Variants in LRRFIP1 observed in about 807,000 individuals in gnomAD.
LRRFIP1 encodes the protein leucine-rich repeat flightless-interacting protein 1.
Under a neutral mutation model 104.4 loss-of-function variants are expected in LRRFIP1, and 62 were observed. The ratio of observed to expected loss-of-function variants is 0.59; its 90% CI spans 0.48 to 0.73. LRRFIP1 has a LOEUF of 0.73. Among genes scored for constraint, LRRFIP1 ranks in the 30% least tolerant of loss-of-function variants. The pLI is 0.00. For missense variants in LRRFIP1, 796 were observed against 824.5 expected (o/e 0.97, Z 0.42); for synonymous variants, 300 against 299.0 (o/e 1.00, Z -0.03).
chr2:237,678,758 G>A lies in LRRFIP1; in HGVS notation c.97-29786G>A, dbSNP rs894011713. Among the ~76,000 whole-genome samples the A allele has an allele frequency of 4.6e-5, 7 of 152,022 alleles. No homozygotes were observed. In the East Asian group the frequency reaches 5.8e-4, roughly 13 times the overall value. On this transcript the variant is annotated intron_variant, in intron 1 of 23. Transcript: ENST00000308482. ...CCTGACCTCAAGTGATCTGCCTGCC[G>A]TAGCCTCCAAAAGTGCTGGGATTAC...
chr2:237,779,627 C>A lies in LRRFIP1; in HGVS notation c.*95C>A. 1 of 1,131,740 alleles carries A rather than the reference C, an allele frequency of 8.8e-7. No individual in the cohort carries two copies. The highest frequency in any genetic ancestry group is 1.3e-6 in the Non-Finnish European group (1 of 774,488). 70.1% of individuals were successfully genotyped at this position (1,131,740 alleles called of 1,614,324 possible). On this transcript the variant is annotated 3_prime_UTR_variant, in exon 24 of 24. Transcript: ENST00000308482. The stretch of plus-strand genomic sequence containing the variant: ...TCTGGGAGCGCTGCTTCTTCCCCTG[C>A]CTTCCGAGAGACGAAGACCGTGGCG...
intron 1 of LRRFIP1, among the ~76,000 whole-genome samples, chr2:237,666,915 GCTTTCTTTCTTT>G (rs144037636): frequency 0.58 from 83,745 of 144,710 alleles, 26,465 homozygotes; most frequent in Middle Eastern, 0.74. Flanking sequence ...CTGCCTTCCT[GCTTTCTTTCTTT>G]CTTTCTTTCT....
rs2087858146 is a variant in LRRFIP1, at chr2:237,661,145, A to C, written c.96+33405A>C. On this transcript the variant is annotated intron_variant, in intron 1 of 23. Coordinates refer to ENST00000308482, the MANE Select transcript of LRRFIP1 (RefSeq NM_001137550.2). The surrounding 1 kb of genome is among the most constrained non-coding windows in gnomAD (Gnocchi z 4.4). ...TGGGTGCCTCATCAGCACTGTGAAC[A>C]AACAGGGAAGGATATCTGGGGCCAC... Among the ~76,000 whole-genome samples the C allele has an allele frequency of 6.7e-6, 1 of 149,782 alleles. No individual in the cohort carries two copies. The highest frequency in any genetic ancestry group is 2.1e-4 in the South Asian group (1 of 4,830).
chr2:237,693,271 G>C (rs1054398102), intron 1 of LRRFIP1, among the ~76,000 whole-genome samples: 1 of 152,238 alleles, frequency 6.6e-6, no homozygotes, highest in African/African-American at 2.4e-5. Context: ...TCAGGTGTTC[G>C]TGGGATCTTG....
Position 237,769,928 on chromosome 2 carries a change from T to G in LRRFIP1, c.1460-15T>G. On this transcript the variant is annotated splice_polypyrimidine_tract_variant and intron_variant, in intron 19 of 23. Coordinates refer to ENST00000308482, the MANE Select transcript of LRRFIP1 (RefSeq NM_001137550.2). ...CGCGGATTCACCTAAACCTGTGTCT[T>G]TGTGATTTCTTTAGATATTAGGTTG... 1 of 1,589,390 alleles carries G rather than the reference T, an allele frequency of 6.3e-7. No homozygotes were observed. Among genetic ancestry groups the G allele is most frequent in the Non-Finnish European group, 8.6e-7 (1 of 1,165,138 alleles).
rs750534165 is a variant in LRRFIP1 at position 237,763,354 on chromosome 2, G to A, written c.1459+3149G>A. ...ACACTCAAAATGAACCCTTAGATAT[G>A]AAAGAGCCCGATGAAGAAAAGAGTG... On this transcript the variant is annotated intron_variant, in intron 19 of 23. Coordinates refer to ENST00000308482, the MANE Select transcript of LRRFIP1 (RefSeq NM_001137550.2). 7 of 1,614,052 alleles carry A rather than the reference G, an allele frequency of 4.3e-6. No individual in the cohort carries two copies. In the East Asian group the frequency reaches 6.7e-5, roughly 15 times the overall value.
intron 8 of LRRFIP1, among the ~76,000 whole-genome samples, chr2:237,731,016 G>A (rs1333836827): frequency 1.3e-5 from 2 of 152,232 alleles, no homozygotes; most frequent in Non-Finnish European, 2.9e-5. Context: ...AAGGTAAGTA[G>A]CCATTTGAGC....
intron 19 of LRRFIP1, chr2:237,763,444 G>A (rs921211093): frequency 1.9e-6 from 3 of 1,613,272 alleles, no homozygotes; most frequent in Middle Eastern, 1.7e-4. Context: ...AGAAAAACAA[G>A]AAGAAAAAAT....
intron 9 of LRRFIP1, among the ~76,000 whole-genome samples, chr2:237,734,925 C>T (rs2095183614): frequency 6.6e-6 from 1 of 152,158 alleles, no homozygotes; most frequent in African/African-American, 2.4e-5. Flanking sequence ...ATGAGAATGC[C>T]ATGACAAAAT....
chr2:237,634,100 T>C (rs528965921), intron 1 of LRRFIP1, among the ~76,000 whole-genome samples: 1 of 152,350 alleles, frequency 6.6e-6, no homozygotes, highest in African/African-American at 2.4e-5. Flanking sequence ...TTTTAAAATA[T>C]GTCAGATCAT....
At chr2:237,719,632 C>T (rs1313023182) in intron 5 of LRRFIP1, 65 bp downstream of exon 5, 4 of 1,142,638 alleles carry the variant, frequency 3.5e-6, no homozygotes, top group South Asian at 2.6e-5. Context: ...CTTGCAGTGG[C>T]TGAAGTATAT....
At chr2:237,755,595 C>T (rs2150742064) in intron 15 of LRRFIP1, among the ~76,000 whole-genome samples, 2 of 152,308 alleles carry the variant, frequency 1.3e-5, no homozygotes, top group South Asian at 4.1e-4. Context: ...AGTAAGTCAT[C>T]AGGCATCATC....
intron 6 of LRRFIP1, 72 bp from the exon 7 acceptor site, chr2:237,723,476 T>C (rs2094606533): frequency 6.8e-7 from 1 of 1,470,554 alleles, no homozygotes; most frequent in Non-Finnish European, 9.5e-7. Context: ...TATGTTTTAC[T>C]TAGCTTTTAA....
At chr2:237,702,180 C>T (rs1432304984) in intron 1 of LRRFIP1, among the ~76,000 whole-genome samples, 1 of 152,172 alleles carries the variant, frequency 6.6e-6, no homozygotes, top group South Asian at 2.1e-4. Context: ...CCGTACACAC[C>T]ACCTCCCTAT....
chr2:237,771,163 GC>G (rs1284917390), intron 20 of LRRFIP1, among the ~76,000 whole-genome samples: 1 of 152,084 alleles, frequency 6.6e-6, no homozygotes, highest in Non-Finnish European at 1.5e-5. Flanking sequence ...AACATGAAAA[GC>G]CCCCGGAGAC....
At chr2:237,715,752 C>T (rs535994425) in intron 3 of LRRFIP1, among the ~76,000 whole-genome samples, 1 of 152,212 alleles carries the variant, frequency 6.6e-6, no homozygotes, top group South Asian at 2.1e-4. Context: ...GAAAGTAGCG[C>T]GGCTCCTGCT....
At chr2:237,764,657 A>C in intron 19 of LRRFIP1, 1 of 989,214 alleles carries the variant, frequency 1.0e-6, no homozygotes, top group Non-Finnish European at 1.2e-6. Flanking sequence ...TAAACAGCCA[A>C]ATAGCAAATA....
At chr2:237,658,800 C>T (rs1327499876) in intron 1 of LRRFIP1, among the ~76,000 whole-genome samples, 1 of 152,220 alleles carries the variant, frequency 6.6e-6, no homozygotes, top group Non-Finnish European at 1.5e-5. Flanking sequence ...ATTACCACCA[C>T]CTGGTCTCTC....
intron 1 of LRRFIP1, among the ~76,000 whole-genome samples, chr2:237,631,210 G>A (rs898745680): frequency 5.3e-5 from 8 of 152,232 alleles, no homozygotes; most frequent in African/African-American, 1.9e-4. Context: ...TGGAGAGTAA[G>A]TGGAAAATTC....
Sources: allele counts gnomAD v4.1 joint callset (sites outside exome capture counted in the v4.1 genomes callset), GRCh38; gene constraint gnomAD v4.1.1; non-coding constraint Gnocchi (gnomAD v3.1); transcripts MANE v1.5; gene names NCBI Gene and HGNC (gene_info 2026-07-23, HGNC 2026-07-21).